ADNP2: variants seen among roughly 807,000 people sequenced by gnomAD.
ADNP2 encodes the protein ADNP homeobox 2, also known as activity-dependent neuroprotector homeobox protein 2.
Under a neutral mutation model 16.4 loss-of-function variants are expected in ADNP2, and 8 were observed. The observed-to-expected ratio is 0.49, with a 90% CI of 0.29 to 0.88. The LOEUF is 0.88. Ranked by LOEUF, ADNP2 falls within the 40% of genes least tolerant of loss-of-function variation. The pLI is 0.09. For synonymous variants in ADNP2, 637 were observed against 545.8 expected (o/e 1.17, Z -2.33); for missense variants, 1,397 against 1,395.1 (o/e 1.00, Z -0.02).
intron 2 of ADNP2, among the ~76,000 whole-genome samples, chr18:80,131,964 T>C (rs2052499748): frequency 6.6e-6 from 1 of 152,192 alleles, no homozygotes; most frequent in Non-Finnish European, 1.5e-5. Flanking sequence ...GCAGCACTAT[T>C]CACAATAGCA....
chr18:80,126,005 T>G (rs59018136), intron 2 of ADNP2, among the ~76,000 whole-genome samples: 38,507 of 151,950 alleles, frequency 0.25, 6,388 homozygotes, highest in Non-Finnish European at 0.38. Context: ...TTTTATTTAA[T>G]GTGATTATTG....
Position 80,136,810 on chromosome 18 carries a change from T to A in ADNP2, c.1397T>A (p.Ile466Asn). Residue 466 changes from isoleucine to asparagine, a missense_variant, in exon 4 of 4, where the codon ATC becomes AAC. By Grantham distance (149) the Ile-to-Asn change is moderately radical. Transcript: ENST00000262198. ...GGCCAGATGACTCCTGCAGGGGTTA[T>A]CCCTGGGCAAACAGCAACTTCTGGG... Reference protein sequence around the residue: ...PAGQMTPAGVIPGQTATSGVL... With the variant: ...PAGQMTPAGVNPGQTATSGVL... 1 of 1,613,998 alleles carries A rather than the reference T, an allele frequency of 6.2e-7. No individual in the cohort carries two copies. Among genetic ancestry groups the A allele is most frequent in the Non-Finnish European group, 8.5e-7 (1 of 1,179,986 alleles).
intron 1 of ADNP2, among the ~76,000 whole-genome samples, chr18:80,115,138 A>C (rs922703870): frequency 6.6e-6 from 1 of 152,230 alleles, no homozygotes; most frequent in South Asian, 2.1e-4. Flanking sequence ...GTTGGAAGGT[A>C]TTGTGTGTTT....
intron 1 of ADNP2, among the ~76,000 whole-genome samples, chr18:80,115,964 C>T (rs540944875): frequency 6.6e-6 from 1 of 152,256 alleles, no homozygotes; most frequent in Non-Finnish European, 1.5e-5. Flanking sequence ...GGGGCTTCAC[C>T]ATATTGGCCA....
chr18:80,139,213 TCTC>T lies in ADNP2; in HGVS notation c.*407_*409del. 6.3e-6 allele frequency: 1 copy of T among 159,360 alleles called. No individual in the cohort carries two copies. The highest frequency in any genetic ancestry group is 2.4e-5 in the African/African-American group (1 of 41,582). The allele number at this position is 159,360 out of a possible 1,614,324, so 9.9% of individuals were successfully genotyped here. A position where few individuals can be genotyped will look rare whatever the true frequency, so the allele number is the denominator to read the frequency against. Reference sequence around the variant, plus strand: ...ATTTAACTGCGAGTGGAAGCATCGATCTCCTTCAGCTTTCCCTGTAGCAGCAGA... The same window carrying T: ...ATTTAACTGCGAGTGGAAGCATCGATCTTCAGCTTTCCCTGTAGCAGCAGA... On this transcript the variant is annotated 3_prime_UTR_variant, in exon 4 of 4. Transcript: ENST00000262198.
At chr18:80,131,911 T>C (rs1261693804) in intron 2 of ADNP2, among the ~76,000 whole-genome samples, 2 of 152,220 alleles carry the variant, frequency 1.3e-5, no homozygotes, top group Non-Finnish European at 2.9e-5. Context: ...TGACGAGTTA[T>C]AAATCATGCT....
chr18:80,136,267 C>T lies in ADNP2; in HGVS notation c.854C>T (p.Ala285Val), dbSNP rs1410596379. 5 of 1,614,004 alleles carry T rather than the reference C, an allele frequency of 3.1e-6. No homozygotes were observed. Among genetic ancestry groups the T allele is most frequent in the Admixed American group, 1.7e-5 (1 of 60,032 alleles). The change falls in exon 4 of 4, where the codon GCT becomes GTT. Residue 285 changes from alanine (A) to valine (V), a missense_variant. By Grantham distance (64) the Ala-to-Val change is moderately conservative. Around this residue, in one of 3 missense-constraint regions of ADNP2, gnomAD observed 777 missense variants for 719.4 expected, o/e 1.08. Coordinates refer to ENST00000262198, the MANE Select transcript of ADNP2 (RefSeq NM_014913.4). ...AAPANGSAPS[A>V]PAQPPCFHLA... ...CCAGCAAATGGCAGTGCTCCAAGCG[C>T]TCCAGCGCAGCCTCCTTGCTTCCAT... is the stretch of plus-strand genomic sequence containing the variant.
chr18:80,119,040 A>G (rs2052407235), intron 2 of ADNP2, among the ~76,000 whole-genome samples: 2 of 152,236 alleles, frequency 1.3e-5, no homozygotes, highest in South Asian at 4.1e-4. Context: ...TTACCCTGAA[A>G]TATCCAGAAT....
chr18:80,119,369 G>A (rs537403242), intron 2 of ADNP2, among the ~76,000 whole-genome samples: 1 of 147,122 alleles, frequency 6.8e-6, no homozygotes, highest in Non-Finnish European at 1.5e-5. Flanking sequence ...CTGAGATGGC[G>A]CCACTGCATT....
At chr18:80,125,081 A>G (rs1442116082) in intron 2 of ADNP2, among the ~76,000 whole-genome samples, 1 of 152,184 alleles carries the variant, frequency 6.6e-6, no homozygotes, top group Non-Finnish European at 1.5e-5. Context: ...TTAATCCATA[A>G]TGACTTTATA....
In ADNP2 at chr18:80,133,179, C is replaced by A. The variant is rs867194748; in HGVS notation, c.185C>A (p.Ser62Tyr). The A allele has an allele frequency of 8.7e-6, 14 of 1,612,860 alleles. No individual in the cohort carries two copies. The African/African-American group carries it at 1.6e-4, about 18-fold the overall frequency. ...GGTGATGTTTCTCTCTGGGAACCTT[C>A]TGGAAAGAAAGTGGTATGTATTTTT... Reference protein sequence around the residue: ...SWGDVSLWEPSGKKVRYRTKP... With the variant: ...SWGDVSLWEPYGKKVRYRTKP... Residue 62 changes from serine (S) to tyrosine (Y), a missense_variant, in exon 3 of 4, where the codon TCT becomes TAT. By Grantham distance (144) the Ser-to-Tyr change is moderately radical (BLOSUM62 -2). Coordinates refer to ENST00000262198, the MANE Select transcript of ADNP2 (RefSeq NM_014913.4).
Position 80,136,187 on chromosome 18 carries a change from T to C in ADNP2, c.774T>C (p.Thr258=), listed in dbSNP as rs772896046. 1.2e-6 allele frequency: 2 copies of C among 1,614,156 alleles called. No homozygotes were observed. Among genetic ancestry groups the C allele is most frequent in the Admixed American group, 3.3e-5 (2 of 60,018 alleles). The change falls in exon 4 of 4, where the codon ACT becomes ACC. Residue 258 remains threonine (T), a synonymous_variant. Coordinates refer to ENST00000262198, the MANE Select transcript of ADNP2 (RefSeq NM_014913.4). The part of the protein sequence containing the change: ...RSVISEHIKR[T]GLLKQTHIAP... The stretch of plus-strand genomic sequence containing the variant: ...TGATTTCAGAACATATTAAGAGGAC[T>C]GGACTCTTGAAGCAAACGCACATTG...
At chr18:80,112,075 C>T (rs55757216) in intron 1 of ADNP2, among the ~76,000 whole-genome samples, 27,485 of 151,866 alleles carry the variant, frequency 0.18, 2,769 homozygotes, top group Middle Eastern at 0.25. Flanking sequence ...AATAGTTGGC[C>T]GCCCCGGTTA....
intron 2 of ADNP2, among the ~76,000 whole-genome samples, chr18:80,123,752 C>T (rs1202817347): frequency 6.7e-6 from 1 of 148,246 alleles, no homozygotes; most frequent in African/African-American, 2.5e-5. Flanking sequence ...TTTTTGGAGA[C>T]AGAGTCTCGC....
At chr18:80,126,149 A>ACTCTATTT (rs1249162635) in intron 2 of ADNP2, among the ~76,000 whole-genome samples, 12 of 151,914 alleles carry the variant, frequency 7.9e-5, no homozygotes, top group Non-Finnish European at 1.3e-4. Flanking sequence ...TTACTGGCTT[A>ACTCTATTT]TTAGCTATAC....
At chr18:80,127,339 G>GTTTTTT (rs35560770) in intron 2 of ADNP2, among the ~76,000 whole-genome samples, 2 of 102,174 alleles carry the variant, frequency 2.0e-5, no homozygotes, top group Non-Finnish European at 3.6e-5. Context: ...GGTTTTTTCA[G>GTTTTTT]TTTTTTTTTT....
chr18:80,136,313 T>C lies in ADNP2; in HGVS notation c.900T>C (p.Ser300=), dbSNP rs889665643. The C allele has an allele frequency of 3.1e-6, 5 of 1,613,876 alleles. No individual in the cohort carries two copies. The African/African-American group carries it at 6.7e-5, about 22-fold the overall frequency. The change falls in exon 4 of 4, where the codon AGT becomes AGC. Residue 300 remains serine (S), a synonymous_variant. Transcript: ENST00000262198. ...PCFHLALPQN[S]PSPAAGQPVT... ...TCCATCTTGCTTTGCCACAGAACAGTCCAAGCCCAGCCGCAGGACAGCCAG... is the reference window on the plus strand; with the variant it reads ...TCCATCTTGCTTTGCCACAGAACAGCCCAAGCCCAGCCGCAGGACAGCCAG...
rs758340887 is a variant in ADNP2, at chr18:80,117,661, G to GT, written c.108+12dup. On this transcript the variant is annotated intron_variant, in intron 2 of 3. Coordinates refer to ENST00000262198, the MANE Select transcript of ADNP2 (RefSeq NM_014913.4). ...AAGGAGTTACTGAAGGTAAGAGGAC[G>GT]TAAGTAGCCAACTGGAATCTGGAGG... 1.3e-6 allele frequency: 2 copies of GT among 1,585,168 alleles called. No individual in the cohort carries two copies. The highest frequency in any genetic ancestry group is 1.7e-6 in the Non-Finnish European group (2 of 1,165,084).
chr18:80,110,833 CAA>C (rs2145186915), intron 1 of ADNP2, among the ~76,000 whole-genome samples: 1 of 152,202 alleles, frequency 6.6e-6, no homozygotes, highest in Non-Finnish European at 1.5e-5. Flanking sequence ...GAAGATGAGA[CAA>C]GAGGTTGTCC....
Sources: gnomAD v4.1 joint callset for allele counts (sites outside exome capture counted in the v4.1 genomes callset) on GRCh38, gnomAD v4.1.1 for gene constraint, gnomAD v4.1.1 regional missense constraint, MANE v1.5 for transcripts, NCBI Gene and HGNC (gene_info 2026-07-23, HGNC 2026-07-21) for gene names.